CPNE8: variants seen among roughly 807,000 people sequenced by gnomAD.
CPNE8 encodes copine-8.
Under a neutral mutation model 81.5 loss-of-function variants are expected in CPNE8, and 45 were observed. The ratio of observed to expected loss-of-function variants is 0.55; its 90% CI spans 0.44 to 0.71. The LOEUF (loss-of-function observed/expected upper bound fraction) is 0.71, where lower values mean the gene tolerates loss of function less well. Ranked by LOEUF, CPNE8 falls within the 30% of genes least tolerant of loss-of-function variation. The pLI, the probability that CPNE8 is intolerant of heterozygous loss-of-function variation, is 0.00. For synonymous variants in CPNE8, 252 were observed against 226.3 expected (o/e 1.11, Z -1.02); for missense variants, 594 against 672.1 (o/e 0.88, Z 1.28).
chr12:38,867,780 G>A (rs1294808156), intron 3 of CPNE8, among the ~76,000 whole-genome samples: 1 of 151,916 alleles, frequency 6.6e-6, no homozygotes, highest in Non-Finnish European at 1.5e-5. Context: ...CATAATTCAT[G>A]GTGCTTAAAC....
intron 10 of CPNE8, among the ~76,000 whole-genome samples, chr12:38,738,541 T>C (rs899221810): frequency 2.6e-5 from 4 of 152,166 alleles, no homozygotes; most frequent in Admixed American, 1.3e-4. Context: ...AAATGTACAT[T>C]ATGAAATTTT....
chr12:38,664,707 T>G (rs1193647343), intron 19 of CPNE8, among the ~76,000 whole-genome samples: 1 of 152,156 alleles, frequency 6.6e-6, no homozygotes, highest in African/African-American at 2.4e-5. Context: ...ATCACTGTTC[T>G]TACAATACAC....
intron 10 of CPNE8, among the ~76,000 whole-genome samples, chr12:38,750,118 T>TG (rs1290866479): frequency 1.3e-5 from 2 of 152,288 alleles, no homozygotes; most frequent in East Asian, 3.9e-4. Context: ...AAGTGCAACC[T>TG]GACCTATTGC....
At chr12:38,831,334 C>T (rs1943282249) in intron 5 of CPNE8, among the ~76,000 whole-genome samples, 1 of 152,064 alleles carries the variant, frequency 6.6e-6, no homozygotes, top group African/African-American at 2.4e-5. Context: ...TCAGGGACAC[C>T]ATTAGAGCAG....
chr12:38,799,876 G>C (rs556872515), intron 6 of CPNE8, among the ~76,000 whole-genome samples: 22 of 151,806 alleles, frequency 1.4e-4, no homozygotes, highest in Admixed American at 2.6e-4. Context: ...TTCCCTTTCC[G>C]AGTCAAAGAA....
intron 16 of CPNE8, among the ~76,000 whole-genome samples, chr12:38,684,466 G>A (rs904255407): frequency 2.6e-5 from 4 of 152,046 alleles, no homozygotes; most frequent in African/African-American, 9.7e-5. Context: ...AGATGATTTT[G>A]TCCGAAAAAT....
intron 19 of CPNE8, among the ~76,000 whole-genome samples, chr12:38,662,291 A>G (rs1938976064): frequency 6.6e-6 from 1 of 152,166 alleles, no homozygotes; most frequent in Admixed American, 6.6e-5. Context: ...CGGAACTAAT[A>G]AGTGAATTCA....
At chr12:38,664,318 A>C (rs1263173832) in intron 19 of CPNE8, among the ~76,000 whole-genome samples, 1 of 152,052 alleles carries the variant, frequency 6.6e-6, no homozygotes, top group East Asian at 1.9e-4. Context: ...ATAAGTTAAA[A>C]CTTAAAGTGC....
intron 6 of CPNE8, among the ~76,000 whole-genome samples, chr12:38,784,067 TACAG>T (rs1278502979): frequency 5.3e-5 from 8 of 152,202 alleles, no homozygotes; most frequent in Admixed American, 5.2e-4. Flanking sequence ...TATGTGAGCA[TACAG>T]ACAGAGAAGT....
chr12:38,748,875 A>C (rs1288798264), intron 10 of CPNE8, among the ~76,000 whole-genome samples: 3 of 152,238 alleles, frequency 2.0e-5, no homozygotes, highest in Non-Finnish European at 4.4e-5. Flanking sequence ...ATTGGGTAAT[A>C]TATATTAAAA....
At chr12:38,750,179 T>A (rs1480122068) in intron 10 of CPNE8, among the ~76,000 whole-genome samples, 3 of 152,166 alleles carry the variant, frequency 2.0e-5, no homozygotes, top group African/African-American at 2.4e-5. Flanking sequence ...GGTGTTGAGC[T>A]GCAGGTGCAC....
intron 7 of CPNE8, among the ~76,000 whole-genome samples, chr12:38,771,319 G>C (rs374095075): frequency 1.3e-5 from 2 of 148,878 alleles, no homozygotes; most frequent in African/African-American, 5.1e-5. Context: ...AAAAAAATTA[G>C]CCAGGTGTGG....
chr12:38,739,961 T>G (rs1941053273), intron 10 of CPNE8, among the ~76,000 whole-genome samples: 1 of 152,298 alleles, frequency 6.6e-6, no homozygotes, highest in Non-Finnish European at 1.5e-5. Flanking sequence ...TCTTATTCTA[T>G]ACCTTTAGGA....
intron 6 of CPNE8, among the ~76,000 whole-genome samples, chr12:38,795,905 T>TAGATAGATAGATAGATAGATAGAAGAC (rs1555160643): frequency 3.4e-5 from 5 of 148,242 alleles, no homozygotes; most frequent in African/African-American, 1.2e-4. Context: ...AGATAGAAGA[T>TAGATAGATAGATAGATAGATAGAAGAC]AGATAATACA....
At chr12:38,772,925 T>G (rs184961747) in intron 7 of CPNE8, among the ~76,000 whole-genome samples, 25 of 118,052 alleles carry the variant, frequency 2.1e-4, no homozygotes, top group Admixed American at 1.5e-3. Context: ...TATATAAAAT[T>G]TATACACACA....
chr12:38,701,005 G>C (rs1328622446), intron 14 of CPNE8, among the ~76,000 whole-genome samples: 1 of 152,170 alleles, frequency 6.6e-6, no homozygotes, highest in East Asian at 1.9e-4. Flanking sequence ...TTAGCAGCAT[G>C]AGAGAAGACT....
chr12:38,681,491 T>G (rs1939408562), intron 16 of CPNE8, among the ~76,000 whole-genome samples: 1 of 152,188 alleles, frequency 6.6e-6, no homozygotes, highest in Non-Finnish European at 1.5e-5. Flanking sequence ...TGGCAATATA[T>G]TTCTTTGTTT....
At position 38,774,781 on chromosome 12, in the gene CPNE8, G is replaced by A. The variant is rs569923894; in HGVS notation, c.471+1457C>T. On this transcript the variant is annotated intron_variant, in intron 7 of 19. Coordinates refer to ENST00000331366, the MANE Select transcript of CPNE8 (RefSeq NM_153634.3). ...ATAGTCTTTAACAGCATTATATGTG[G>A]GCATGTTGGGGTATTTTTTAGATGA... is the stretch of plus-strand genomic sequence containing the variant. 5.3e-5 allele frequency among the ~76,000 whole-genome samples: 8 copies of A among 152,170 alleles called. No individual in the cohort carries two copies. The South Asian group carries it at 1.4e-3, about 28-fold the overall frequency.
At chr12:38,869,397 T>C (rs530758413) in intron 3 of CPNE8, among the ~76,000 whole-genome samples, 2 of 152,200 alleles carry the variant, frequency 1.3e-5, no homozygotes, top group African/African-American at 2.4e-5. Context: ...AACAGCTATA[T>C]TAGCTAGAAT....
Sources: allele counts gnomAD v4.1 joint callset (sites outside exome capture counted in the v4.1 genomes callset), GRCh38; gene constraint gnomAD v4.1.1; transcripts MANE v1.5; gene names NCBI Gene and HGNC (gene_info 2026-07-23, HGNC 2026-07-21).